The following CACNG2 variants were observed in gnomAD, a reference collection of about 807,000 sequenced individuals.
The protein encoded by CACNG2 is calcium voltage-gated channel auxiliary subunit gamma 2.
Under a neutral mutation model 25.9 loss-of-function variants are expected in CACNG2, and 3 were observed. That is an observed-to-expected ratio of 0.12 (90% confidence interval 0.05 to 0.30). The LOEUF is 0.30. Ranked by LOEUF, CACNG2 falls within the 10% of genes least tolerant of loss-of-function variation. The probability of loss-of-function intolerance (pLI) is 1.00; values close to 1 mark genes in which losing one functional copy is unlikely to be tolerated. For missense variants in CACNG2, 341 were observed against 432.5 expected (o/e 0.79, Z 1.88); for synonymous variants, 167 against 173.3 (o/e 0.96, Z 0.29).
intron 1 of CACNG2, among the ~76,000 whole-genome samples, chr22:36,681,319 T>C (rs6000386): frequency 0.38 from 57,958 of 152,054 alleles, 11,230 homozygotes; most frequent in East Asian, 0.44. Flanking sequence ...TACCTGGTGA[T>C]AGCATAAGGA....
intron 1 of CACNG2, among the ~76,000 whole-genome samples, chr22:36,701,208 T>C (rs1937407663): frequency 6.6e-6 from 1 of 152,182 alleles, no homozygotes; most frequent in Admixed American, 6.5e-5. Flanking sequence ...AGCCTCTTTT[T>C]TTCCCCCACA....
chr22:36,626,044 C>T (rs941505441), intron 1 of CACNG2, among the ~76,000 whole-genome samples: 26 of 152,234 alleles, frequency 1.7e-4, no homozygotes, highest in African/African-American at 5.3e-4. Context: ...CTCAGCCTCC[C>T]GAGTAGATGG....
chr22:36,578,428 A>T (rs529529928), intron 2 of CACNG2, among the ~76,000 whole-genome samples: 1 of 151,298 alleles, frequency 6.6e-6, no homozygotes, highest in African/African-American at 2.4e-5. Flanking sequence ...AGCCTGGTGG[A>T]CGCCCCTCAT....
Position 36,703,627 on chromosome 22 carries a change from C to G in CACNG2, c.-1051G>C, listed in dbSNP as rs1027630691. ...GGAGGGGGGCGCTGGCCAGAGTCCT[C>G]CCTCCCCGGGGCAGCAAGGCCAGCG... is the stretch of plus-strand genomic sequence containing the variant. On this transcript the variant is annotated 5_prime_UTR_variant, in exon 1 of 4. Transcript: ENST00000300105. 1.3e-5 allele frequency: 2 copies of G among 152,342 alleles called. No homozygotes were observed. The highest frequency in any genetic ancestry group is 1.3e-4 in the Admixed American group (2 of 15,296). The allele number at this position is 152,342 out of a possible 1,614,324, so 9.4% of individuals were successfully genotyped here.
At chr22:36,570,190 G>C (rs1935201444) in intron 2 of CACNG2, among the ~76,000 whole-genome samples, 1 of 152,232 alleles carries the variant, frequency 6.6e-6, no homozygotes, top group Non-Finnish European at 1.5e-5. Flanking sequence ...GGGAGCGTCG[G>C]CTGCGGAGGG....
In CACNG2 at chr22:36,703,483, C is replaced by A. The variant is rs1250738288; in HGVS notation, c.-907G>T. 1 of 152,412 alleles carries A rather than the reference C, an allele frequency of 6.6e-6. No individual in the cohort carries two copies. Among genetic ancestry groups the A allele is most frequent in the African/African-American group, 2.4e-5 (1 of 41,418 alleles). The allele number at this position is 152,412 out of a possible 1,614,324, so 9.4% of individuals were successfully genotyped here. A position where few individuals can be genotyped will look rare whatever the true frequency, so the allele number is the denominator to read the frequency against. On this transcript the variant is annotated 5_prime_UTR_variant, in exon 1 of 4. Transcript: ENST00000300105. ...CCGCGCGCCTGCCCCCCACTCGCTA[C>A]CGGCTGGGCGCCCGCGGAGGCGCTC...
intron 1 of CACNG2, among the ~76,000 whole-genome samples, chr22:36,698,647 G>T (rs1212423631): frequency 1.3e-5 from 2 of 152,156 alleles, no homozygotes; most frequent in Non-Finnish European, 2.9e-5. Flanking sequence ...CAAGCAGCCT[G>T]GTGGGGGCAA....
At chr22:36,622,771 C>T (rs1254764004) in intron 1 of CACNG2, among the ~76,000 whole-genome samples, 1 of 151,988 alleles carries the variant, frequency 6.6e-6, no homozygotes, top group Non-Finnish European at 1.5e-5. Context: ...CCAGCCTGGC[C>T]AACATGGAGA....
At chr22:36,580,142 TC>T (rs752003041) in intron 2 of CACNG2, among the ~76,000 whole-genome samples, 1 of 152,128 alleles carries the variant, frequency 6.6e-6, no homozygotes, top group African/African-American at 2.4e-5. Context: ...ATGAGCATCA[TC>T]CCCATTGCAA....
At chr22:36,637,680 G>A (rs539461968) in intron 1 of CACNG2, among the ~76,000 whole-genome samples, 1 of 152,256 alleles carries the variant, frequency 6.6e-6, no homozygotes, top group South Asian at 2.1e-4. Flanking sequence ...TCGGTGAGCT[G>A]CCTAAAACCA....
intron 1 of CACNG2, among the ~76,000 whole-genome samples, chr22:36,594,716 CAT>C (rs1354333153): frequency 2.7e-5 from 4 of 148,116 alleles, no homozygotes; most frequent in African/African-American, 7.5e-5. Context: ...TGTGTGTGTG[CAT>C]GTGTGTGTGT....
chr22:36,641,394 G>A (rs1212974369), intron 1 of CACNG2, among the ~76,000 whole-genome samples: 1 of 152,210 alleles, frequency 6.6e-6, no homozygotes, highest in Non-Finnish European at 1.5e-5. Context: ...GATGAACAAT[G>A]CTTGTGAAAA....
At position 36,562,589 on chromosome 22, in the gene CACNG2, C is replaced by T. The variant is rs1180545504; in HGVS notation, c.*1762G>A. On this transcript the variant is annotated 3_prime_UTR_variant, in exon 4 of 4. Transcript: ENST00000300105. ...AAGGCCAGTGTGGAGTTGTTGTCGTCCATGGCTTTGGAGGGCATGAGTCAA... is the reference window on the plus strand; with the variant it reads ...AAGGCCAGTGTGGAGTTGTTGTCGTTCATGGCTTTGGAGGGCATGAGTCAA... The T allele has an allele frequency of 1.3e-5, 2 of 152,092 alleles. No individual in the cohort carries two copies. The highest frequency in any genetic ancestry group is 4.8e-5 in the African/African-American group (2 of 41,368). 9.4% of individuals were successfully genotyped at this position (152,092 alleles called of 1,614,324 possible).
chr22:36,607,104 G>A (rs1935848565), intron 1 of CACNG2, among the ~76,000 whole-genome samples: 1 of 152,152 alleles, frequency 6.6e-6, no homozygotes, highest in Non-Finnish European at 1.5e-5. Context: ...GTTTGCCCTG[G>A]TGGCTGAGTG....
At chr22:36,575,962 G>C (rs1019584856) in intron 2 of CACNG2, among the ~76,000 whole-genome samples, 1 of 152,186 alleles carries the variant, frequency 6.6e-6, no homozygotes, top group Non-Finnish European at 1.5e-5. Context: ...AGACCTGCTG[G>C]GTTGCAAGGA....
Position 36,600,793 on chromosome 22 carries a change from C to T in CACNG2, c.212-13245G>A, listed in dbSNP as rs138732888. Among the ~76,000 whole-genome samples, 694 of 152,222 alleles carry T rather than the reference C, an allele frequency of 4.6e-3. 7 individuals carry two copies. Among genetic ancestry groups the T allele is most frequent in the Non-Finnish European group, 7.8e-3 (528 of 68,012 alleles). ...AACTCCCAACCTCAGGTGATCTGCC[C>T]GCCCTGGCCTCCCTAAGTGCTGAGA... On this transcript the variant is annotated intron_variant, in intron 1 of 3. Transcript: ENST00000300105.
At chr22:36,576,941 G>A (rs1239672154) in intron 2 of CACNG2, among the ~76,000 whole-genome samples, 2 of 152,196 alleles carry the variant, frequency 1.3e-5, no homozygotes, top group African/African-American at 4.8e-5. Flanking sequence ...AGAGCCCAGG[G>A]AGCTAACTTG....
chr22:36,583,588 C>T (rs193035362), intron 2 of CACNG2, among the ~76,000 whole-genome samples: 127 of 152,322 alleles, frequency 8.3e-4, no homozygotes, highest in African/African-American at 2.8e-3. Flanking sequence ...TCTCCTTTCA[C>T]TTCCGTCCCT....
chr22:36,647,406 G>A (rs1406926320), intron 1 of CACNG2, among the ~76,000 whole-genome samples: 1 of 152,068 alleles, frequency 6.6e-6, no homozygotes, highest in Admixed American at 6.5e-5. Context: ...GACCAGCCTG[G>A]CCAACATGGT....
Sources: gnomAD v4.1 joint callset for allele counts (sites outside exome capture counted in the v4.1 genomes callset) on GRCh38, gnomAD v4.1.1 for gene constraint, MANE v1.5 for transcripts, NCBI Gene and HGNC (gene_info 2026-07-23, HGNC 2026-07-21) for gene names.